The following RGS12 variants were observed in gnomAD, a reference collection of about 807,000 sequenced individuals.
The protein encoded by RGS12 is regulator of G-protein signaling 12.
In RGS12, 66 loss-of-function variants were observed where a neutral mutation model predicts 120.1. The observed-to-expected ratio is 0.55, with a 90% CI of 0.45 to 0.67. The LOEUF (loss-of-function observed/expected upper bound fraction) is 0.67, where lower values mean the gene tolerates loss of function less well. Among genes scored for constraint, RGS12 ranks in the 30% least tolerant of loss-of-function variants. The probability of loss-of-function intolerance (pLI) is 0.00; values close to 1 mark genes in which losing one functional copy is unlikely to be tolerated. For missense variants in RGS12, 1,859 were observed against 1,957.7 expected (o/e 0.95, Z 0.95); for synonymous variants, 827 against 804.7 (o/e 1.03, Z -0.47).
At chr4:3,424,921 C>A (rs950623506) in intron 13 of RGS12, among the ~76,000 whole-genome samples, 1 of 152,202 alleles carries the variant, frequency 6.6e-6, no homozygotes, top group Non-Finnish European at 1.5e-5. Context: ...AGCTGTCATT[C>A]CCCTGACTGA....
intron 1 of RGS12, among the ~76,000 whole-genome samples, chr4:3,309,149 G>T (rs1438249906): frequency 1.9e-4 from 7 of 37,524 alleles, no homozygotes; most frequent in African/African-American, 4.9e-4. Flanking sequence ...GCAGGTGTCT[G>T]CTGAGGGGAA....
intron 1 of RGS12, among the ~76,000 whole-genome samples, chr4:3,306,948 GCTC>G (rs1479179170): frequency 1.3e-5 from 2 of 152,194 alleles, no homozygotes; most frequent in African/African-American, 4.8e-5. Flanking sequence ...CTTCTTCCTA[GCTC>G]CTCATTTTAG....
chr4:3,347,448 A>C (rs1713923289), intron 3 of RGS12, among the ~76,000 whole-genome samples: 1 of 152,214 alleles, frequency 6.6e-6, no homozygotes, highest in Non-Finnish European at 1.5e-5. Context: ...TGTCTCAAAA[A>C]AAGAAAGAAA....
intron 3 of RGS12, among the ~76,000 whole-genome samples, chr4:3,347,943 T>G (rs541759897): frequency 2.4e-4 from 37 of 152,318 alleles, no homozygotes; most frequent in African/African-American, 8.4e-4. Context: ...TAAATGTAAC[T>G]GAAAGAAGGT....
At chr4:3,423,215 G>C (rs564934215) in intron 12 of RGS12, among the ~76,000 whole-genome samples, 1 of 152,282 alleles carries the variant, frequency 6.6e-6, no homozygotes, top group African/African-American at 2.4e-5. Flanking sequence ...GGCCTGGTGA[G>C]CCCAGCCCCC....
chr4:3,408,915 A>AG (rs1344796934), intron 4 of RGS12, among the ~76,000 whole-genome samples: 1 of 152,222 alleles, frequency 6.6e-6, no homozygotes, highest in Non-Finnish European at 1.5e-5. Flanking sequence ...GATTGTGTGA[A>AG]GGGGGCGTGG....
chr4:3,386,315 C>T, intron 3 of RGS12, 101 bp from the exon 4 acceptor site: 1 of 1,151,390 alleles, frequency 8.7e-7, no homozygotes, highest in Non-Finnish European at 1.3e-6. Flanking sequence ...CTCTGAGAAC[C>T]TCCCAGAGTC....
intron 2 of RGS12, among the ~76,000 whole-genome samples, chr4:3,330,977 C>T (rs1256886334): frequency 6.6e-6 from 1 of 152,150 alleles, no homozygotes; most frequent in Non-Finnish European, 1.5e-5. Flanking sequence ...GTGCAAAGGG[C>T]TGGGAGATGT....
intron 16 of RGS12, among the ~76,000 whole-genome samples, chr4:3,430,060 T>A (rs541504306): frequency 5.8e-4 from 89 of 152,290 alleles, no homozygotes; most frequent in African/African-American, 2.1e-3. Context: ...AGTGTTAAAT[T>A]GAAAGCCCAG....
chr4:3,309,609 TG>T (rs1724214539), intron 1 of RGS12, among the ~76,000 whole-genome samples: 2 of 44,332 alleles, frequency 4.5e-5, no homozygotes, highest in Non-Finnish European at 7.7e-5. Context: ...AGCTGGGACC[TG>T]GGAATGGCAG....
intron 2 of RGS12, among the ~76,000 whole-genome samples, chr4:3,338,503 CGGTT>C (rs908320264): frequency 2.6e-5 from 4 of 152,238 alleles, no homozygotes; most frequent in African/African-American, 9.6e-5. Context: ...GTAGTAATGC[CGGTT>C]GACCGGCCGT....
chr4:3,438,938 G>A (rs1034460508), intron 17 of RGS12, among the ~76,000 whole-genome samples: 5 of 152,094 alleles, frequency 3.3e-5, no homozygotes, highest in Non-Finnish European at 5.9e-5. Context: ...GCAGGTGGGC[G>A]AGCAGGTGGC....
intron 2 of RGS12, among the ~76,000 whole-genome samples, chr4:3,332,101 G>A (rs1450915450): frequency 6.6e-6 from 1 of 152,214 alleles, no homozygotes; most frequent in Admixed American, 6.5e-5. Flanking sequence ...AGATGGCTTG[G>A]GGGCCATGGA....
At chr4:3,312,845 G>T in intron 1 of RGS12, 1 of 195,274 alleles carries the variant, frequency 5.1e-6, no homozygotes. Context: ...TTCCAAGGAA[G>T]ACAAGCTGAA....
intron 10 of RGS12, 49 bp from the exon 11 acceptor site, chr4:3,422,327 C>T (rs1250853436): frequency 6.4e-7 from 1 of 1,551,616 alleles, no homozygotes; most frequent in Admixed American, 1.8e-5. Context: ...GTGCCCCGCA[C>T]CCCTGTGACG....
At chr4:3,425,616 AG>A in intron 14 of RGS12, 56 bp downstream of exon 14, 2 of 696,834 alleles carry the variant, frequency 2.9e-6, no homozygotes, top group Non-Finnish European at 4.0e-6. Flanking sequence ...AGTGCAGGGG[AG>A]GGGGCTATGG....
Position 3,430,925 on chromosome 4 carries a change from C to A in RGS12, c.4084C>A (p.Pro1362Thr), listed in dbSNP as rs746618379. ...NSTLLPPPST[P>T]QEVPGPSRPG... is the part of the protein sequence containing the mutation. ...CACCTTGCTGCCGCCGCCCTCCACC[C>A]CCCAGGAAGTGCCAGGACCTTCCAG... Residue 1362 changes from proline to threonine, a missense_variant, in exon 17 of 18, where the codon CCC becomes ACC. By Grantham distance (38) the Pro-to-Thr change is conservative. Around this residue, in one of 3 missense-constraint regions of RGS12, gnomAD observed 517 missense variants for 488.5 expected, o/e 1.06. Transcript: ENST00000336727. 15 of 1,612,810 alleles carry A rather than the reference C, an allele frequency of 9.3e-6. No individual in the cohort carries two copies. The highest frequency in any genetic ancestry group is 1.2e-5 in the Non-Finnish European group (14 of 1,179,974).
chr4:3,286,848 A>G, the RGS12 span, among the ~76,000 whole-genome samples: 30 of 152,318 alleles, frequency 2.0e-4, no homozygotes, highest in South Asian at 3.3e-3. Flanking sequence ...GTGCGCTGCT[A>G]GGCACCGAAT....
chr4:3,350,793 A>G (rs939626037), intron 3 of RGS12, among the ~76,000 whole-genome samples: 1 of 152,260 alleles, frequency 6.6e-6, no homozygotes, highest in Non-Finnish European at 1.5e-5. Flanking sequence ...AAGCCAATCC[A>G]AATAGAATTT....
Sources: allele counts gnomAD v4.1 joint callset (sites outside exome capture counted in the v4.1 genomes callset), GRCh38; gene constraint gnomAD v4.1.1; regional missense constraint gnomAD v4.1.1; transcripts MANE v1.5; gene names NCBI Gene and HGNC (gene_info 2026-07-23, HGNC 2026-07-21).